TRIM26: variants seen among roughly 807,000 people sequenced by gnomAD.
The protein encoded by TRIM26 is tripartite motif containing 26, also known as tripartite motif-containing protein 26.
TRIM26 carries 16 observed loss-of-function variants against 45.5 expected under a neutral mutation model. That is an observed-to-expected ratio of 0.35 (90% CI 0.24 to 0.53). The LOEUF (loss-of-function observed/expected upper bound fraction) is 0.53, where lower values mean the gene tolerates loss of function less well. TRIM26 is among the 20% of genes least tolerant of loss of function. TRIM26 has a pLI of 0.92. For synonymous variants in TRIM26, 273 were observed against 290.4 expected, an observed-to-expected ratio of 0.94 and a Z score of 0.61; for missense variants, 442 against 691.1, an observed-to-expected ratio of 0.64 and a Z score of 4.04.
intron 6 of TRIM26, among the ~76,000 whole-genome samples, chr6:30,194,013 C>T (rs982682118): frequency 1.3e-5 from 2 of 151,966 alleles, no homozygotes; most frequent in Admixed American, 6.6e-5. Flanking sequence ...ATAGCCGTTA[C>T]GGAAAACAGT....
At chr6:30,199,835 A>C (rs1776951676) in intron 3 of TRIM26, among the ~76,000 whole-genome samples, 1 of 152,018 alleles carries the variant, frequency 6.6e-6, no homozygotes, top group African/African-American at 2.4e-5. Flanking sequence ...ACGGGGTTTC[A>C]CCGTGTTAGC....
chr6:30,199,675 C>T (rs995678641), intron 3 of TRIM26, among the ~76,000 whole-genome samples: 1 of 143,248 alleles, frequency 7.0e-6, no homozygotes, highest in African/African-American at 2.6e-5. Flanking sequence ...CTTACTCTGT[C>T]GCCCAGGCTG....
At chr6:30,193,576 G>A (rs942537570) in intron 6 of TRIM26, among the ~76,000 whole-genome samples, 5 of 152,060 alleles carry the variant, frequency 3.3e-5, no homozygotes, top group East Asian at 1.9e-4. Flanking sequence ...GACTCCATAT[G>A]AATTTTAGTT....
rs767990971 is a variant in TRIM26, at chr6:30,198,397, G to A, written c.534+32C>T. On this transcript the variant is annotated intron_variant, in intron 5 of 9. Coordinates refer to ENST00000454678, the MANE Select transcript of TRIM26 (RefSeq NM_003449.5). The surrounding 1 kb of genome is among the most constrained non-coding windows in gnomAD (Gnocchi z 6.3). ...TCACCCTGCCCTACACGGGCGCACC[G>A]CCTCAGGGCTTCCTGAAACAGCCTC... 4.2e-5 allele frequency: 68 copies of A among 1,611,104 alleles called. No homozygotes were observed. Among genetic ancestry groups the A allele is most frequent in the Non-Finnish European group, 5.7e-5 (67 of 1,179,026 alleles).
chr6:30,185,766 G>A lies in TRIM26; in HGVS notation c.*110C>T. 7.9e-7 allele frequency: 1 copy of A among 1,269,406 alleles called. No homozygotes were observed. The highest frequency in any genetic ancestry group is 1.5e-5 in the South Asian group (1 of 66,178). The allele number at this position is 1,269,406 out of a possible 1,614,324, so 78.6% of individuals were successfully genotyped here. ...GGAGGTGGCTACCAGTGGATATGGG[G>A]TCCCCTGCTCCAGGTGCTTAGGCCA... On this transcript the variant is annotated 3_prime_UTR_variant, in exon 10 of 10. Transcript: ENST00000454678. The surrounding 1 kb of genome is among the most constrained non-coding windows in gnomAD (Gnocchi z 5.7).
intron 5 of TRIM26, among the ~76,000 whole-genome samples, chr6:30,197,141 G>A (rs1255910891): frequency 6.6e-6 from 1 of 152,132 alleles, no homozygotes; most frequent in African/African-American, 2.4e-5. Context: ...TGTCATCTAA[G>A]CCTGACCAGC....
At chr6:30,187,894 GAA>G (rs1775358163) in intron 9 of TRIM26, among the ~76,000 whole-genome samples, 1 of 128,254 alleles carries the variant, frequency 7.8e-6, no homozygotes, top group African/African-American at 3.0e-5. Context: ...CTCCAGCCTG[GAA>G]GACAAAGCAA....
chr6:30,189,656 T>A lies in TRIM26; in HGVS notation c.789-123A>T. 1 of 872,546 alleles carries A rather than the reference T, an allele frequency of 1.1e-6. No homozygotes were observed. Among genetic ancestry groups the A allele is most frequent in the Non-Finnish European group, 1.8e-6 (1 of 557,930 alleles). The allele number at this position is 872,546 out of a possible 1,614,324, so 54.1% of individuals were successfully genotyped here. On this transcript the variant is annotated intron_variant, in intron 7 of 9. Coordinates refer to ENST00000454678, the MANE Select transcript of TRIM26 (RefSeq NM_003449.5). This position sits in a 1 kb window ranked among gnomAD's most constrained non-coding sequence, Gnocchi z 5.0. ...AAAGGTATGATTATCCCCAAACAAG[T>A]GACAGAAAAACAGTGGCCCAAAGAC...
At chr6:30,205,100 G>C (rs1195424386) in intron 1 of TRIM26, among the ~76,000 whole-genome samples, 1 of 152,122 alleles carries the variant, frequency 6.6e-6, no homozygotes, top group Non-Finnish European at 1.5e-5. Context: ...AATTAGCCAG[G>C]TGTGGTGGCG....
At chr6:30,203,660 A>G (rs764808172) in intron 2 of TRIM26, among the ~76,000 whole-genome samples, 7 of 151,768 alleles carry the variant, frequency 4.6e-5, no homozygotes, top group Non-Finnish European at 7.4e-5. Context: ...CAGGTGATCC[A>G]CCTGCCTTGG....
At position 30,202,237 on chromosome 6, in the gene TRIM26, C is replaced by T. The variant is rs143381204; in HGVS notation, c.-265-1099G>A. Among the ~76,000 whole-genome samples the T allele has an allele frequency of 7.2e-3, 1,089 of 152,268 alleles. 42 individuals carry two copies. In the South Asian group the frequency reaches 0.12, roughly 17 times the overall value. ...ATGCTGGGGTTTGATGGTCTCTAAA[C>T]CTCCTGAAACTGTCTAAAAATTATT... On this transcript the variant is annotated intron_variant, in intron 2 of 9. Transcript: ENST00000454678.
intron 3 of TRIM26, among the ~76,000 whole-genome samples, chr6:30,199,889 G>T (rs1776963039): frequency 6.6e-6 from 1 of 152,032 alleles, no homozygotes; most frequent in South Asian, 2.1e-4. Context: ...ACCTGCCTCG[G>T]CCTCCCAAAG....
At position 30,204,636 on chromosome 6, in the gene TRIM26, A is replaced by G. The variant is rs894202500; in HGVS notation, c.-266+20T>C. The G allele has an allele frequency of 6.6e-6, 1 of 152,176 alleles. No individual in the cohort carries two copies. The highest frequency in any genetic ancestry group is 1.9e-4 in the East Asian group (1 of 5,198). The allele number at this position is 152,176 out of a possible 1,614,324, so 9.4% of individuals were successfully genotyped here. On this transcript the variant is annotated intron_variant, in intron 2 of 9. Transcript: ENST00000454678. ...TCCAATGCAAAATTCACCCTCTCCA[A>G]AAACTCTTCCCCAACTTACCGCACC...
chr6:30,187,380 A>G, intron 9 of TRIM26: 2 of 395,200 alleles, frequency 5.1e-6, no homozygotes, highest in South Asian at 4.5e-5. Context: ...CTGAAGACCA[A>G]CCTGAAGAAT....
In TRIM26 at chr6:30,198,437, CCAGGATAT is replaced by C; in HGVS notation, c.518_525del (p.Asp173GlyfsTer16). 6.2e-7 allele frequency: 1 copy of C among 1,613,080 alleles called. No individual in the cohort carries two copies. Among genetic ancestry groups the C allele is most frequent in the South Asian group, 1.1e-5 (1 of 91,088 alleles). The stretch of plus-strand genomic sequence containing the variant: ...GAAACAGCCTCACTTACCAGCGCGG[CCAGGATAT>C]CAGCTTCTCCCTTTGCCTGGAAGCC... On this transcript the variant is annotated frameshift_variant, in exon 5 of 10. Transcript: ENST00000454678. LOFTEE classifies it high-confidence loss of function. The surrounding 1 kb of genome is among the most constrained non-coding windows in gnomAD (Gnocchi z 6.3).
Position 30,190,149 on chromosome 6 carries a change from G to T in TRIM26, c.766-114C>A. The T allele has an allele frequency of 8.4e-7, 1 of 1,185,612 alleles. No homozygotes were observed. The highest frequency in any genetic ancestry group is 1.2e-6 in the Non-Finnish European group (1 of 816,158). The allele number at this position is 1,185,612 out of a possible 1,614,324, so 73.4% of individuals were successfully genotyped here. A position where few individuals can be genotyped will look rare whatever the true frequency, so the allele number is the denominator to read the frequency against. On this transcript the variant is annotated intron_variant, in intron 6 of 9. Coordinates refer to ENST00000454678, the MANE Select transcript of TRIM26 (RefSeq NM_003449.5). This position sits in a 1 kb window ranked among gnomAD's most constrained non-coding sequence, Gnocchi z 4.3. Reference sequence around the variant, plus strand: ...CATATCAGTGAACAAAACAAATGTGGTCCCTTTTTTATGGAGCTGACATTC... The same window carrying T: ...CATATCAGTGAACAAAACAAATGTGTTCCCTTTTTTATGGAGCTGACATTC...
chr6:30,208,904 ATGTGTG>A (rs9278612), intron 1 of TRIM26, among the ~76,000 whole-genome samples: 8,604 of 140,666 alleles, frequency 0.061, 329 homozygotes, highest in Middle Eastern at 0.13. Flanking sequence ...GATATAGAAT[ATGTGTG>A]TGTGTGTGTG....
intron 3 of TRIM26, among the ~76,000 whole-genome samples, chr6:30,199,963 G>A (rs1019567747): frequency 3.3e-5 from 5 of 152,030 alleles, no homozygotes; most frequent in African/African-American, 1.2e-4. Context: ...TGCTCCTCAA[G>A]GTTTCAGGTT....
Position 30,189,637 on chromosome 6 carries a change from A to T in TRIM26, c.789-104T>A. On this transcript the variant is annotated intron_variant, in intron 7 of 9. Coordinates refer to ENST00000454678, the MANE Select transcript of TRIM26 (RefSeq NM_003449.5). This position sits in a 1 kb window ranked among gnomAD's most constrained non-coding sequence, Gnocchi z 5.0. ...CAATTATGAAGGGGAGAGGAAAGGT[A>T]TGATTATCCCCAAACAAGTGACAGA... 3.0e-6 allele frequency: 3 copies of T among 1,001,284 alleles called. No homozygotes were observed. In the South Asian group the frequency reaches 4.2e-5, roughly 14 times the overall value. The allele number at this position is 1,001,284 out of a possible 1,614,324, so 62.0% of individuals were successfully genotyped here. A position where few individuals can be genotyped will look rare whatever the true frequency, so the allele number is the denominator to read the frequency against.
Sources: allele counts gnomAD v4.1 joint callset (sites outside exome capture counted in the v4.1 genomes callset), GRCh38; gene constraint gnomAD v4.1.1; non-coding constraint Gnocchi (gnomAD v3.1); transcripts MANE v1.5; gene names NCBI Gene and HGNC (gene_info 2026-07-23, HGNC 2026-07-21).